The following TFPI2 variants were observed in gnomAD, a reference collection of about 807,000 sequenced individuals.
TFPI2 encodes tissue factor pathway inhibitor 2.
A neutral mutation model predicts 23.1 loss-of-function variants in TFPI2; 23 were observed. The observed-to-expected ratio is 1.00, with a 90% CI of 0.72 to 1.41. The LOEUF (loss-of-function observed/expected upper bound fraction) is 1.41, where lower values mean the gene tolerates loss of function less well. Ranked by LOEUF, TFPI2 falls within the 40% of genes most tolerant of loss-of-function variation. The pLI, the probability that TFPI2 is intolerant of heterozygous loss-of-function variation, is 0.00. For synonymous variants in TFPI2, 119 were observed against 111.7 expected (o/e 1.07, Z -0.41); for missense variants, 291 against 299.6 (o/e 0.97, Z 0.21).
intron 3 of TFPI2, among the ~76,000 whole-genome samples, chr7:93,888,265 C>T (rs1299861547): frequency 6.6e-6 from 1 of 152,170 alleles, no homozygotes; most frequent in Non-Finnish European, 1.5e-5. Context: ...CACTATCTCA[C>T]ATGTATAACT....
intron 4 of TFPI2, 62 bp downstream of exon 4, chr7:93,887,199 A>G (rs1242877268): frequency 4.1e-6 from 6 of 1,466,586 alleles, no homozygotes; most frequent in Non-Finnish European, 5.5e-6. Flanking sequence ...ATAAAAATAT[A>G]ATTTTTCTGA....
chr7:93,886,204 T>C lies in TFPI2; in HGVS notation c.*616A>G, dbSNP rs1793988932. The C allele has an allele frequency of 6.6e-6, 1 of 152,064 alleles. No homozygotes were observed. Among genetic ancestry groups the C allele is most frequent in the African/African-American group, 2.4e-5 (1 of 41,440 alleles). The allele number at this position is 152,064 out of a possible 1,614,324, so 9.4% of individuals were successfully genotyped here. A position where few individuals can be genotyped will look rare whatever the true frequency, so the allele number is the denominator to read the frequency against. On this transcript the variant is annotated 3_prime_UTR_variant, in exon 5 of 5. Transcript: ENST00000222543. Reference sequence around the variant, plus strand: ...ATACATGTGAGTGGGGATTGGTAGATAAATAGATAGAAATTGCTTTCCCAG... The same window carrying C: ...ATACATGTGAGTGGGGATTGGTAGACAAATAGATAGAAATTGCTTTCCCAG...
rs748871419 is a variant in TFPI2 at position 93,890,312 on chromosome 7, G to A, written c.96C>T (p.Asn32=). 1 of 1,604,656 alleles carries A rather than the reference G, an allele frequency of 6.2e-7. No homozygotes were observed. The highest frequency in any genetic ancestry group is 1.1e-5 in the South Asian group (1 of 90,572). The change falls in exon 2 of 5, where the codon AAC becomes AAT. Residue 32 remains asparagine, a synonymous_variant. Coordinates refer to ENST00000222543, the MANE Select transcript of TFPI2 (RefSeq NM_006528.4). ...GDAAQEPTGN[N]AEICLLPLDY... ...CTAGGGGCAGGAGACAGATCTCCGCGTTATTTCCTGAAGAAGGGGCAGAAG... is the reference window on the plus strand; with the variant it reads ...CTAGGGGCAGGAGACAGATCTCCGCATTATTTCCTGAAGAAGGGGCAGAAG...
chr7:93,887,999 T>C (rs1794029823), intron 3 of TFPI2, among the ~76,000 whole-genome samples: 1 of 152,226 alleles, frequency 6.6e-6, no homozygotes, highest in South Asian at 2.1e-4. Context: ...GTTTTCCTTG[T>C]TTGTTGAACT....
At position 93,886,239 on chromosome 7, in the gene TFPI2, T is replaced by C. The variant is rs1423673624; in HGVS notation, c.*581A>G. The C allele has an allele frequency of 6.6e-6, 1 of 152,074 alleles. No individual in the cohort carries two copies. The highest frequency in any genetic ancestry group is 2.4e-5 in the African/African-American group (1 of 41,434). The allele number at this position is 152,074 out of a possible 1,614,324, so 9.4% of individuals were successfully genotyped here. ...GAAATTGCTTTCCCAGAGGAGAACA[T>C]TTCTGGCTTTAATAAATTGATTAGC... On this transcript the variant is annotated 3_prime_UTR_variant, in exon 5 of 5. Transcript: ENST00000222543.
At chr7:93,890,523 C>A in intron 1 of TFPI2, 68 bp downstream of exon 1, 2 of 1,531,418 alleles carry the variant, frequency 1.3e-6, no homozygotes, top group African/African-American at 1.4e-5. Flanking sequence ...GGCGCCTACA[C>A]GGGGCCCCAT....
chr7:93,888,593 A>AAG (rs1483919470), intron 3 of TFPI2, among the ~76,000 whole-genome samples: 81 of 115,804 alleles, frequency 7.0e-4, no homozygotes, highest in Non-Finnish European at 7.4e-4. Flanking sequence ...AGGAAAGAGA[A>AAG]AGAAAGAAAG....
At chr7:93,889,889 A>G in intron 2 of TFPI2, 1 of 398,784 alleles carries the variant, frequency 2.5e-6, no homozygotes, top group Admixed American at 4.3e-5. Flanking sequence ...TGGTGAGGGA[A>G]CAAATCTTTC....
Position 93,890,628 on chromosome 7 carries a change from C to G in TFPI2, c.51G>C (p.Thr17=), listed in dbSNP as rs1794118697. 2 of 1,613,320 alleles carry G rather than the reference C, an allele frequency of 1.2e-6. No individual in the cohort carries two copies. The highest frequency in any genetic ancestry group is 2.7e-5 in the African/African-American group (2 of 74,896). ...LGLSILLLFL[T]EAALGDAAQE... The stretch of plus-strand genomic sequence containing the variant: ...GAGCAGCATCGCCCAGTGCAGCCTC[C>G]GTCAGGAAAAGCAGCAGAATCGACA... The change falls in exon 1 of 5, where the codon ACG becomes ACC. Residue 17 remains threonine (T), a synonymous_variant. Coordinates refer to ENST00000222543, the MANE Select transcript of TFPI2 (RefSeq NM_006528.4).
In TFPI2 at chr7:93,888,590, A is replaced by AGAAG. The variant is rs1554337288; in HGVS notation, c.460+444_460+445insCTTC. On this transcript the variant is annotated intron_variant, in intron 3 of 4. Coordinates refer to ENST00000222543, the MANE Select transcript of TFPI2 (RefSeq NM_006528.4). Reference sequence around the variant, plus strand: ...GAAGGAAGGAAGGAAGGAAGGAAAGAGAAAGAAAGAAAGAAAGAGAAAAAG... The same window carrying AGAAG: ...GAAGGAAGGAAGGAAGGAAGGAAAGAGAAGGAAAGAAAGAAAGAAAGAGAAAAAG... Among the ~76,000 whole-genome samples, 11 of 42,292 alleles carry AGAAG rather than the reference A, an allele frequency of 2.6e-4. No homozygotes were observed. The Admixed American group carries it at 3.4e-3, about 13-fold the overall frequency. 27.7% of individuals were successfully genotyped at this position (42,292 alleles called of 152,430 possible).
rs184993282 is a variant in TFPI2, at chr7:93,889,308, G to C, written c.272-85C>G. ...CACTGTATTTTCAGCAACATTTTGT[G>C]GGGGGAGAGAAGTTGTATTAGTGTT... On this transcript the variant is annotated intron_variant, in intron 2 of 4. Transcript: ENST00000222543. The C allele has an allele frequency of 1.2e-3, 1,514 of 1,267,738 alleles. 40 individuals carry two copies. The Admixed American group carries it at 0.031, about 26-fold the overall frequency. 78.5% of individuals were successfully genotyped at this position (1,267,738 alleles called of 1,614,324 possible).
rs1305565444 is a variant in TFPI2, at chr7:93,888,581, G to C, written c.460+454C>G. ...GGAAGGAAGGAAGGAAGGAAGGAAG[G>C]AAGGAAAGAGAAAGAAAGAAAGAAA... On this transcript the variant is annotated intron_variant, in intron 3 of 4. Coordinates refer to ENST00000222543, the MANE Select transcript of TFPI2 (RefSeq NM_006528.4). Among the ~76,000 whole-genome samples the C allele has an allele frequency of 1.8e-3, 192 of 108,870 alleles. 1 individual carries two copies. Among genetic ancestry groups the C allele is most frequent in the African/African-American group, 9.0e-3 (158 of 17,536 alleles). 71.4% of individuals were successfully genotyped at this position (108,870 alleles called of 152,430 possible). A position where few individuals can be genotyped will look rare whatever the true frequency, so the allele number is the denominator to read the frequency against.
chr7:93,886,932 C>T, intron 4 of TFPI2, 36 bp from the exon 5 acceptor site: 1 of 1,427,186 alleles, frequency 7.0e-7, no homozygotes, highest in Non-Finnish European at 9.4e-7. Context: ...AATCATACAT[C>T]TCCAGTCTGT....
chr7:93,886,925 C>A, intron 4 of TFPI2, 29 bp from the exon 5 acceptor site: 2 of 1,446,078 alleles, frequency 1.4e-6, no homozygotes, highest in South Asian at 2.6e-5. Context: ...CAATGAAAAT[C>A]ATACATCTCC....
At chr7:93,887,484 A>G in intron 3 of TFPI2, 53 bp from the exon 4 acceptor site, 2 of 1,420,602 alleles carry the variant, frequency 1.4e-6, no homozygotes, top group South Asian at 2.5e-5. Flanking sequence ...GAATTTTTAA[A>G]TTATGGTGAT....
At chr7:93,888,589 G>GGAGGGAGAGAGAA (rs138314368) in intron 3 of TFPI2, among the ~76,000 whole-genome samples, 1 of 103,286 alleles carries the variant, frequency 9.7e-6, no homozygotes, top group Non-Finnish European at 1.8e-5. Context: ...AGGAAGGAAA[G>GGAGGGAGAGAGAA]AGAAAGAAAG....
intron 2 of TFPI2, 199 bp downstream of exon 2, chr7:93,889,938 G>C: frequency 5.7e-6 from 3 of 522,012 alleles, no homozygotes; most frequent in Middle Eastern, 5.0e-4. Flanking sequence ...ATCAATGTCA[G>C]TTGGGAGACA....
Position 93,889,141 on chromosome 7 carries a change from A to G in TFPI2, c.354T>C (p.Ser118=), listed in dbSNP as rs1794074637. The G allele has an allele frequency of 6.2e-7, 1 of 1,613,504 alleles. No homozygotes were observed. Among genetic ancestry groups the G allele is most frequent in the Non-Finnish European group, 8.5e-7 (1 of 1,179,826 alleles). ...GSTEKYFFNL[S]SMTCEKFFSG... ...AAAAGAATTTTTCACATGTCATGGAACTTAGATTAAAGAAATACTTTTCTG... is the reference window on the plus strand; with the variant it reads ...AAAAGAATTTTTCACATGTCATGGAGCTTAGATTAAAGAAATACTTTTCTG... Residue 118 remains serine, a synonymous_variant, in exon 3 of 5, where the codon AGT becomes AGC. Coordinates refer to ENST00000222543, the MANE Select transcript of TFPI2 (RefSeq NM_006528.4).
intron 2 of TFPI2, 99 bp from the exon 3 acceptor site, chr7:93,889,322 T>C: frequency 1.8e-6 from 2 of 1,138,428 alleles, no homozygotes; most frequent in African/African-American, 1.6e-5. Flanking sequence ...GGAGAGAAGT[T>C]GTATTAGTGT....
Sources: gnomAD v4.1 joint callset for allele counts (sites outside exome capture counted in the v4.1 genomes callset) on GRCh38, gnomAD v4.1.1 for gene constraint, MANE v1.5 for transcripts, NCBI Gene and HGNC (gene_info 2026-07-23, HGNC 2026-07-21) for gene names.